TBC1D22A: variants seen among roughly 807,000 people sequenced by gnomAD.
TBC1D22A encodes putative GTPase activator.
Under a neutral mutation model 60.2 loss-of-function variants are expected in TBC1D22A, and 38 were observed. That is an observed-to-expected ratio of 0.63 (90% CI 0.49 to 0.83). The LOEUF (loss-of-function observed/expected upper bound fraction) is 0.83, where lower values mean the gene tolerates loss of function less well. Ranked by LOEUF, TBC1D22A falls within the 40% of genes least tolerant of loss-of-function variation. The probability of loss-of-function intolerance (pLI) is 0.00; values close to 1 mark genes in which losing one functional copy is unlikely to be tolerated. For missense variants in TBC1D22A, 628 were observed against 701.0 expected, an observed-to-expected ratio of 0.90 and a Z score of 1.18; for synonymous variants, 302 against 281.7, an observed-to-expected ratio of 1.07 and a Z score of -0.72.
chr22:46,766,880 T>C lies in TBC1D22A; in HGVS notation c.62+4032T>C, dbSNP rs772529036. ...CAGCCTGAACTAAAGTCCCCCTTTT[T>C]TGCATCAAACTCAGTGTTGTTGGTG... On this transcript the variant is annotated intron_variant, in intron 1 of 12. Transcript: ENST00000337137. Among the ~76,000 whole-genome samples, 25 of 152,170 alleles carry C rather than the reference T, an allele frequency of 1.6e-4. 1 individual carries two copies. The highest frequency in any genetic ancestry group is 7.3e-5 in the Non-Finnish European group (5 of 68,032).
intron 1 of TBC1D22A, among the ~76,000 whole-genome samples, chr22:46,787,811 C>CA (rs1345874560): frequency 2.6e-5 from 4 of 151,650 alleles, no homozygotes; most frequent in African/African-American, 9.7e-5. Context: ...TATTATATGA[C>CA]AAAATGTTGG....
intron 12 of TBC1D22A, among the ~76,000 whole-genome samples, chr22:47,114,251 T>G (rs2065950891): frequency 6.7e-6 from 1 of 149,046 alleles, no homozygotes; most frequent in South Asian, 2.2e-4. Flanking sequence ...GGGTGTGGGG[T>G]GTGGGGTGTG....
chr22:47,133,847 C>T (rs1246139971), intron 12 of TBC1D22A, among the ~76,000 whole-genome samples: 2 of 152,242 alleles, frequency 1.3e-5, no homozygotes, highest in East Asian at 1.9e-4. Flanking sequence ...AACACGGCCC[C>T]GGGCATCCTC....
chr22:47,034,375 G>A (rs932725955), intron 10 of TBC1D22A, among the ~76,000 whole-genome samples: 4 of 152,188 alleles, frequency 2.6e-5, no homozygotes, highest in East Asian at 1.9e-4. Context: ...TCACTGGCAC[G>A]TCAGCATCTT....
intron 8 of TBC1D22A, chr22:46,913,591 G>A: frequency 8.6e-7 from 1 of 1,161,000 alleles, no homozygotes; most frequent in Non-Finnish European, 1.1e-6. Context: ...ACTCCTGAGG[G>A]TGCTTGCTTT....
intron 11 of TBC1D22A, among the ~76,000 whole-genome samples, chr22:47,076,169 C>T (rs1308578904): frequency 6.6e-6 from 1 of 151,786 alleles, no homozygotes; most frequent in Non-Finnish European, 1.5e-5. Flanking sequence ...TAGAAGATTA[C>T]AACAGTACAA....
At chr22:47,127,196 T>G (rs1019740486) in intron 12 of TBC1D22A, among the ~76,000 whole-genome samples, 1 of 151,378 alleles carries the variant, frequency 6.6e-6, no homozygotes, top group Non-Finnish European at 1.5e-5. Context: ...TTGGCATGGA[T>G]TTTTTTGTCT....
intron 8 of TBC1D22A, chr22:46,915,126 G>A (rs1035626511): frequency 1.3e-5 from 4 of 302,816 alleles, no homozygotes; most frequent in South Asian, 6.2e-5. Context: ...GCTTGGGGTC[G>A]AGTCCCAGGG....
At chr22:46,850,114 A>C (rs888646639) in intron 4 of TBC1D22A, among the ~76,000 whole-genome samples, 2 of 152,140 alleles carry the variant, frequency 1.3e-5, no homozygotes, top group Admixed American at 6.5e-5. Flanking sequence ...GCTGGAGTGC[A>C]TGGTGGATGC....
intron 1 of TBC1D22A, among the ~76,000 whole-genome samples, chr22:46,772,864 C>T (rs1475750192): frequency 6.6e-6 from 1 of 152,146 alleles, no homozygotes. Flanking sequence ...TCCTGACCTC[C>T]TGATCCTCCT....
intron 12 of TBC1D22A, among the ~76,000 whole-genome samples, chr22:47,138,502 G>A (rs372012769): frequency 6.6e-6 from 1 of 152,196 alleles, no homozygotes; most frequent in African/African-American, 2.4e-5. Context: ...TGTGTGTCCC[G>A]GCACAGCTTC....
At chr22:46,814,202 A>G (rs1001587376) in intron 4 of TBC1D22A, among the ~76,000 whole-genome samples, 1 of 152,254 alleles carries the variant, frequency 6.6e-6, no homozygotes, top group Non-Finnish European at 1.5e-5. Flanking sequence ...GAGAGTAATA[A>G]TAAGAAAAAT....
chr22:47,040,373 T>C (rs971695849), intron 11 of TBC1D22A, among the ~76,000 whole-genome samples: 2 of 151,948 alleles, frequency 1.3e-5, no homozygotes, highest in Admixed American at 6.6e-5. Flanking sequence ...ACCTCCAACA[T>C]TGGGGATTAC....
At chr22:47,025,941 A>G (rs184177876) in intron 10 of TBC1D22A, among the ~76,000 whole-genome samples, 3 of 152,330 alleles carry the variant, frequency 2.0e-5, no homozygotes, top group East Asian at 3.9e-4. Context: ...AGGGAAACGT[A>G]TAGTGTTGTA....
At chr22:46,932,931 G>A (rs1406646684) in intron 8 of TBC1D22A, among the ~76,000 whole-genome samples, 1 of 151,990 alleles carries the variant, frequency 6.6e-6, no homozygotes, top group Non-Finnish European at 1.5e-5. Context: ...CACCATGTTG[G>A]TTAGGCTAGT....
intron 11 of TBC1D22A, among the ~76,000 whole-genome samples, chr22:47,076,570 C>G (rs906873289): frequency 5.3e-5 from 8 of 151,976 alleles, no homozygotes; most frequent in Non-Finnish European, 1.2e-4. Context: ...TTAAATAAAT[C>G]TGGCAGATTG....
chr22:46,898,963 G>C (rs1226891767), intron 7 of TBC1D22A, among the ~76,000 whole-genome samples: 2 of 152,124 alleles, frequency 1.3e-5, no homozygotes, highest in Non-Finnish European at 2.9e-5. Context: ...GCTCCCCCTG[G>C]GGGTGCTGAT....
intron 12 of TBC1D22A, among the ~76,000 whole-genome samples, chr22:47,114,013 T>C (rs2065941088): frequency 6.6e-6 from 1 of 152,140 alleles, no homozygotes. Flanking sequence ...ATGGCAGCCT[T>C]GACAGATGCA....
chr22:46,911,983 A>G, intron 7 of TBC1D22A, 91 bp from the exon 8 acceptor site: 1 of 802,104 alleles, frequency 1.2e-6, no homozygotes, highest in Non-Finnish European at 2.1e-6. Flanking sequence ...ATGAGAAAAT[A>G]CAGTGTACAT....
Sources: allele counts gnomAD v4.1 joint callset (sites outside exome capture counted in the v4.1 genomes callset), GRCh38; gene constraint gnomAD v4.1.1; transcripts MANE v1.5; gene names NCBI Gene and HGNC (gene_info 2026-07-23, HGNC 2026-07-21).